Variants in PPP1R13B observed in about 807,000 individuals in gnomAD.
The protein encoded by PPP1R13B is apoptosis-stimulating of p53 protein 1.
A neutral mutation model predicts 119.8 loss-of-function variants in PPP1R13B; 44 were observed. The ratio of observed to expected loss-of-function variants is 0.37; its 90% confidence interval spans 0.29 to 0.47. The LOEUF (loss-of-function observed/expected upper bound fraction) is 0.47. Among genes scored for constraint, PPP1R13B ranks in the 20% least tolerant of loss-of-function variants. PPP1R13B has a pLI of 0.99. For synonymous variants in PPP1R13B, 542 were observed against 561.5 expected (o/e 0.97, Z 0.49); for missense variants, 1,227 against 1,413.5 (o/e 0.87, Z 2.12).
intron 2 of PPP1R13B, chr14:103,794,665 TAAAA>T: frequency 7.6e-6 from 3 of 394,650 alleles, no homozygotes; most frequent in African/African-American, 2.2e-5. Context: ...CTCTGAAACC[TAAAA>T]AAAAAAAAAT....
chr14:103,837,650 T>C (rs1271981236), intron 1 of PPP1R13B, among the ~76,000 whole-genome samples: 1 of 152,040 alleles, frequency 6.6e-6, no homozygotes, highest in South Asian at 2.1e-4. Flanking sequence ...CAACTGGATC[T>C]TTCTCTTCTT....
intron 8 of PPP1R13B, 90 bp from the exon 9 acceptor site, chr14:103,746,643 A>G: frequency 1.7e-6 from 2 of 1,195,190 alleles, no homozygotes; most frequent in Non-Finnish European, 2.3e-6. Context: ...TCGGACAGAA[A>G]GCACTCACTC....
chr14:103,837,298 A>G lies in PPP1R13B; in HGVS notation c.9+10001T>C, dbSNP rs74086462. Among the ~76,000 whole-genome samples the G allele has an allele frequency of 6.6e-5, 10 of 152,314 alleles. No individual in the cohort carries two copies. In the South Asian group the frequency reaches 8.3e-4, roughly 13 times the overall value. On this transcript the variant is annotated intron_variant, in intron 1 of 16. Coordinates refer to ENST00000202556, the MANE Select transcript of PPP1R13B (RefSeq NM_015316.3). ...ACATAGGCAAAAAGTTTTATTTAAC[A>G]TATCTATTTTACCTTAAGATTTAAG...
At chr14:103,847,264 G>A (rs2152094059) in intron 1 of PPP1R13B, 35 bp downstream of exon 1, 1 of 1,187,618 alleles carries the variant, frequency 8.4e-7, no homozygotes, top group East Asian at 4.7e-5. Flanking sequence ...GCCCGCGGAG[G>A]AAGCCGCCGC....
At position 103,740,047 on chromosome 14, in the gene PPP1R13B, T is replaced by C; in HGVS notation, c.2369A>G (p.Asp790Gly). ...GGAAGGTAACTCATTATCATTGGCA[T>C]CTGATGACGGGGCAGGCTCAGCGGG... is the stretch of plus-strand genomic sequence containing the variant. The part of the protein sequence containing the change: ...PLPAEPAPSS[D>G]ANDNELPSPE... Residue 790 changes from aspartate (D) to glycine (G), a missense_variant, in exon 12 of 17, where the codon GAT becomes GGT. Asp to Gly is a moderately conservative substitution (Grantham distance 94). Transcript: ENST00000202556. This position sits in a 1 kb window ranked among gnomAD's most constrained non-coding sequence, Gnocchi z 4.6. 6.2e-7 allele frequency: 1 copy of C among 1,613,956 alleles called. No individual in the cohort carries two copies. The highest frequency in any genetic ancestry group is 2.2e-5 in the East Asian group (1 of 44,880).
intron 1 of PPP1R13B, among the ~76,000 whole-genome samples, chr14:103,807,920 CAA>C (rs2086056772): frequency 6.6e-6 from 1 of 151,888 alleles, no homozygotes; most frequent in African/African-American, 2.4e-5. Context: ...TAGTCCACAT[CAA>C]AGAGAAGAAA....
intron 3 of PPP1R13B, among the ~76,000 whole-genome samples, chr14:103,784,240 T>C (rs1056217236): frequency 3.3e-4 from 50 of 151,958 alleles, no homozygotes; most frequent in Non-Finnish European, 7.4e-4. Context: ...GTACGTTGTT[T>C]AATTAACTTA....
intron 1 of PPP1R13B, among the ~76,000 whole-genome samples, chr14:103,836,508 T>C (rs957388578): frequency 3.9e-5 from 6 of 152,066 alleles, no homozygotes; most frequent in Non-Finnish European, 8.8e-5. Flanking sequence ...CTGTGGCTCA[T>C]GCCTGTAATC....
intron 8 of PPP1R13B, among the ~76,000 whole-genome samples, chr14:103,748,130 ACTGGTTCT>A (rs1303186486): frequency 3.5e-4 from 53 of 150,352 alleles, no homozygotes; most frequent in Non-Finnish European, 6.2e-4. Flanking sequence ...CGCGCACGCT[ACTGGTTCT>A]CTTTCTCTAG....
chr14:103,767,235 A>T (rs2084958126), intron 4 of PPP1R13B, among the ~76,000 whole-genome samples: 1 of 152,150 alleles, frequency 6.6e-6, no homozygotes. Flanking sequence ...GGACTGCTTG[A>T]GCCCGGGGTT....
At chr14:103,838,136 A>T (rs948161518) in intron 1 of PPP1R13B, among the ~76,000 whole-genome samples, 1 of 152,060 alleles carries the variant, frequency 6.6e-6, no homozygotes, top group Non-Finnish European at 1.5e-5. Flanking sequence ...ACAAATAAAT[A>T]AAGTAAATAA....
chr14:103,804,922 C>T (rs372769576), intron 1 of PPP1R13B, among the ~76,000 whole-genome samples: 10 of 152,124 alleles, frequency 6.6e-5, no homozygotes. Flanking sequence ...CTGCAACCTC[C>T]GCCTCCCAGG....
rs994383177 is a variant in PPP1R13B, at chr14:103,738,656, C to A, written c.2864+23G>T. 6.2e-7 allele frequency: 1 copy of A among 1,613,416 alleles called. No individual in the cohort carries two copies. The highest frequency in any genetic ancestry group is 8.5e-7 in the Non-Finnish European group (1 of 1,179,400). Reference sequence around the variant, plus strand: ...AAAGCAGGGAAAGTAAATCTGTCCACCCCACACTCCTACGGGCCTCACCAT... The same window carrying A: ...AAAGCAGGGAAAGTAAATCTGTCCAACCCACACTCCTACGGGCCTCACCAT... On this transcript the variant is annotated intron_variant, in intron 14 of 16. Coordinates refer to ENST00000202556, the MANE Select transcript of PPP1R13B (RefSeq NM_015316.3). This position sits in a 1 kb window ranked among gnomAD's most constrained non-coding sequence, Gnocchi z 5.6.
At chr14:103,789,952 A>G (rs2152032089) in intron 2 of PPP1R13B, among the ~76,000 whole-genome samples, 1 of 152,288 alleles carries the variant, frequency 6.6e-6, no homozygotes, top group East Asian at 1.9e-4. Flanking sequence ...ACCCACATTC[A>G]AAAGAAATGA....
At chr14:103,786,781 AAAAAAAAG>A (rs1761858833) in intron 2 of PPP1R13B, among the ~76,000 whole-genome samples, 2 of 150,040 alleles carry the variant, frequency 1.3e-5, no homozygotes, top group Non-Finnish European at 3.0e-5. Flanking sequence ...AAAAAAAAAA[AAAAAAAAG>A]GCTGGTCATG....
chr14:103,751,808 A>T (rs1169166260), intron 7 of PPP1R13B, among the ~76,000 whole-genome samples: 3 of 152,222 alleles, frequency 2.0e-5, no homozygotes, highest in Non-Finnish European at 4.4e-5. Context: ...AGTGGGAAAT[A>T]AATGTCTATA....
chr14:103,804,089 ATT>A, intron 1 of PPP1R13B: 2 of 926,410 alleles, frequency 2.2e-6, no homozygotes, highest in Non-Finnish European at 2.6e-6. Flanking sequence ...AACTTGCTCC[ATT>A]TTTTTTTTCA....
chr14:103,797,895 T>C (rs1215277877), intron 1 of PPP1R13B, among the ~76,000 whole-genome samples: 2 of 152,030 alleles, frequency 1.3e-5, no homozygotes, highest in African/African-American at 4.8e-5. Context: ...GGAAAACGAC[T>C]ATACAATGAG....
chr14:103,779,595 C>T (rs866160735), intron 3 of PPP1R13B, among the ~76,000 whole-genome samples: 13 of 143,976 alleles, frequency 9.0e-5, no homozygotes, highest in Non-Finnish European at 1.5e-4. Flanking sequence ...GGCAACGTGG[C>T]GAAAATCTGT....
Sources: allele counts gnomAD v4.1 joint callset (sites outside exome capture counted in the v4.1 genomes callset), GRCh38; gene constraint gnomAD v4.1.1; non-coding constraint Gnocchi (gnomAD v3.1); transcripts MANE v1.5; gene names NCBI Gene and HGNC (gene_info 2026-07-23, HGNC 2026-07-21).